RRP1B: variants seen among roughly 807,000 people sequenced by gnomAD.
RRP1B encodes ribosomal RNA processing protein 1 homolog B.
In RRP1B, 56 loss-of-function variants were observed where a neutral mutation model predicts 80.2. The ratio of observed to expected loss-of-function variants is 0.70; its 90% confidence interval spans 0.56 to 0.87. RRP1B has a LOEUF of 0.87. Ranked by LOEUF, RRP1B falls within the 40% of genes least tolerant of loss-of-function variation. The pLI is 0.00. For missense variants in RRP1B, 807 were observed against 939.8 expected, an observed-to-expected ratio of 0.86 and a Z score of 1.85; for synonymous variants, 351 against 357.6, an observed-to-expected ratio of 0.98 and a Z score of 0.21.
At chr21:43,676,177 T>C (rs1463600413) in intron 6 of RRP1B, 95 bp from the exon 7 acceptor site, 1 of 906,692 alleles carries the variant, frequency 1.1e-6, no homozygotes, top group African/African-American at 1.6e-5. Context: ...TTGGTCTAAC[T>C]CCACCTTTGT....
intron 13 of RRP1B, among the ~76,000 whole-genome samples, chr21:43,688,700 A>G (rs2083074516): frequency 6.6e-6 from 1 of 151,868 alleles, no homozygotes; most frequent in Admixed American, 6.6e-5. Context: ...CCTACCCCCC[A>G]GCTCAAGAAA....
intron 8 of RRP1B, among the ~76,000 whole-genome samples, chr21:43,681,812 G>A (rs1291369399): frequency 3.3e-5 from 5 of 152,050 alleles, no homozygotes; most frequent in South Asian, 2.1e-4. Context: ...TTAGCCAAGC[G>A]TGATGGCACA....
chr21:43,685,794 G>C lies in RRP1B; in HGVS notation c.1009+5G>C. On this transcript the variant is annotated splice_donor_5th_base_variant and intron_variant, in intron 11 of 15. Coordinates refer to ENST00000340648, the MANE Select transcript of RRP1B (RefSeq NM_015056.3). ...GATTCCAAGACCTTTCTGAAGGTGAGGCGCGCCAAGAATCATCATTCATGG... is the reference window on the plus strand; with the variant it reads ...GATTCCAAGACCTTTCTGAAGGTGACGCGCGCCAAGAATCATCATTCATGG... 1 of 1,587,548 alleles carries C rather than the reference G, an allele frequency of 6.3e-7. No individual in the cohort carries two copies. Among genetic ancestry groups the C allele is most frequent in the Non-Finnish European group, 8.6e-7 (1 of 1,166,534 alleles).
At chr21:43,673,313 T>G (rs2083007274) in intron 3 of RRP1B, among the ~76,000 whole-genome samples, 1 of 152,148 alleles carries the variant, frequency 6.6e-6, no homozygotes, top group South Asian at 2.1e-4. Context: ...TTGCCAGCCC[T>G]TCCGGTTATT....
At chr21:43,664,460 C>G (rs542043517) in intron 1 of RRP1B, among the ~76,000 whole-genome samples, 1 of 152,176 alleles carries the variant, frequency 6.6e-6, no homozygotes, top group African/African-American at 2.4e-5. Flanking sequence ...GTGTTTCACA[C>G]GTCTTGGGCT....
In RRP1B at chr21:43,688,097, G is replaced by A. The variant is rs1465802411; in HGVS notation, c.1723G>A (p.Ala575Thr). ...PQRRRLQKKK[A>T]GPGSLELCGL... The stretch of plus-strand genomic sequence containing the variant: ...GCGCAGGAGGCTGCAGAAAAAGAAG[G>A]CAGGGCCCGGCAGCCTGGAGCTCTG... The change falls in exon 13 of 16, where the codon GCA becomes ACA. Residue 575 changes from alanine (A) to threonine (T), a missense_variant. Coordinates refer to ENST00000340648, the MANE Select transcript of RRP1B (RefSeq NM_015056.3). 10 of 1,605,194 alleles carry A rather than the reference G, an allele frequency of 6.2e-6. No homozygotes were observed. The highest frequency in any genetic ancestry group is 4.0e-5 in the African/African-American group (3 of 74,728).
At chr21:43,685,491 G>A (rs973235678) in intron 10 of RRP1B, among the ~76,000 whole-genome samples, 3 of 152,206 alleles carry the variant, frequency 2.0e-5, no homozygotes, top group Non-Finnish European at 4.4e-5. Flanking sequence ...TGATTTGGGT[G>A]TGCCAAGATG....
intron 1 of RRP1B, among the ~76,000 whole-genome samples, chr21:43,661,663 C>A (rs917104109): frequency 3.3e-5 from 5 of 152,206 alleles, no homozygotes; most frequent in Admixed American, 6.5e-5. Flanking sequence ...ACAGACCAGC[C>A]CAGGGTCATC....
chr21:43,675,592 C>T (rs2083018566), intron 6 of RRP1B, among the ~76,000 whole-genome samples: 2 of 152,280 alleles, frequency 1.3e-5, no homozygotes, highest in Non-Finnish European at 2.9e-5. Context: ...TTTTACTTTT[C>T]TTTCACAGGT....
At chr21:43,674,374 C>T (rs2083012577) in intron 4 of RRP1B, among the ~76,000 whole-genome samples, 1 of 152,150 alleles carries the variant, frequency 6.6e-6, no homozygotes, top group South Asian at 2.1e-4. Flanking sequence ...CCAGGGTGGT[C>T]TTGAACTCCT....
At chr21:43,672,840 C>T (rs1320222021) in intron 3 of RRP1B, among the ~76,000 whole-genome samples, 1 of 152,174 alleles carries the variant, frequency 6.6e-6, no homozygotes, top group African/African-American at 2.4e-5. Context: ...TAGCCGACTT[C>T]GTTTGTTCTG....
rs558693250 is a variant in RRP1B, at chr21:43,675,215, G to T, written c.549+52G>T. ...CGGGGTGAGGGGGCCGCCAGTGTTC[G>T]CAGTAGTCGCCAGTGAAGTGCTGTG... On this transcript the variant is annotated intron_variant, in intron 6 of 15. Transcript: ENST00000340648. The T allele has an allele frequency of 2.6e-5, 41 of 1,588,530 alleles. No homozygotes were observed. In the East Asian group the frequency reaches 6.0e-4, roughly 23 times the overall value.
intron 9 of RRP1B, among the ~76,000 whole-genome samples, chr21:43,683,889 A>C (rs183711316): frequency 2.0e-5 from 3 of 150,886 alleles, no homozygotes; most frequent in Admixed American, 6.6e-5. Flanking sequence ...TGAGGCAGGA[A>C]AATCATTTGA....
intron 1 of RRP1B, among the ~76,000 whole-genome samples, chr21:43,667,327 G>T (rs1272419806): frequency 1.3e-5 from 2 of 152,174 alleles, no homozygotes; most frequent in Non-Finnish European, 2.9e-5. Flanking sequence ...CCTGGGCTCA[G>T]GTCATCCTCC....
At chr21:43,669,649 C>A (rs554269519) in intron 1 of RRP1B, among the ~76,000 whole-genome samples, 1 of 152,312 alleles carries the variant, frequency 6.6e-6, no homozygotes, top group East Asian at 1.9e-4. Flanking sequence ...ACATTTGCTT[C>A]CTCACGCTGA....
At position 43,695,623 on chromosome 21, in the gene RRP1B, C is replaced by T. The variant is rs2083104363; in HGVS notation, c.*2240C>T. On this transcript the variant is annotated 3_prime_UTR_variant, in exon 16 of 16. Transcript: ENST00000340648. ...ATTACATAGACGCACAAGAATATGT[C>T]ACATAAAGAAAATGTGTTTAGAATA... is the stretch of plus-strand genomic sequence containing the variant. The T allele has an allele frequency of 1.3e-5, 2 of 152,292 alleles. No individual in the cohort carries two copies. The highest frequency in any genetic ancestry group is 4.1e-4 in the South Asian group (2 of 4,826). The allele number at this position is 152,292 out of a possible 1,614,324, so 9.4% of individuals were successfully genotyped here.
In RRP1B at chr21:43,659,599, C is replaced by T; in HGVS notation, c.-66C>T. The stretch of plus-strand genomic sequence containing the variant: ...CCCGGGCGGACGGTGGCTGGCTGCT[C>T]CGCAGCGCTCGGCTGGCTGCAGCGG... On this transcript the variant is annotated 5_prime_UTR_variant, in exon 1 of 16. Transcript: ENST00000340648. The surrounding 1 kb of genome is among the most constrained non-coding windows in gnomAD (Gnocchi z 4.2). 1.5e-6 allele frequency: 2 copies of T among 1,340,456 alleles called. No individual in the cohort carries two copies. Among genetic ancestry groups the T allele is most frequent in the South Asian group, 1.9e-5 (1 of 52,866 alleles). The allele number at this position is 1,340,456 out of a possible 1,614,324, so 83.0% of individuals were successfully genotyped here.
intron 6 of RRP1B, among the ~76,000 whole-genome samples, 172 bp from the exon 7 acceptor site, chr21:43,676,100 C>G (rs2147167849): frequency 6.6e-6 from 1 of 152,284 alleles, no homozygotes; most frequent in African/African-American, 2.4e-5. Flanking sequence ...CCTCAGTCTT[C>G]AGCCTGGCTC....
rs1025530048 is a variant in RRP1B at position 43,693,103 on chromosome 21, C to T, written c.2084-87C>T. The T allele has an allele frequency of 7.1e-5, 100 of 1,407,186 alleles. 2 individuals carry two copies. The Admixed American group carries it at 1.5e-3, about 21-fold the overall frequency. The allele number at this position is 1,407,186 out of a possible 1,614,324, so 87.2% of individuals were successfully genotyped here. A position where few individuals can be genotyped will look rare whatever the true frequency, so the allele number is the denominator to read the frequency against. On this transcript the variant is annotated intron_variant, in intron 15 of 15. Transcript: ENST00000340648. This position sits in a 1 kb window ranked among gnomAD's most constrained non-coding sequence, Gnocchi z 4.1. ...CTTCGTCCTAGCAAGTGGGTGGGGT[C>T]GGCACCCAGGCAGGACGCTGTCTAA...
Sources: gnomAD v4.1 joint callset for allele counts (sites outside exome capture counted in the v4.1 genomes callset) on GRCh38, gnomAD v4.1.1 for gene constraint, Gnocchi (gnomAD v3.1) non-coding constraint, MANE v1.5 for transcripts, NCBI Gene and HGNC (gene_info 2026-07-23, HGNC 2026-07-21) for gene names.